FASTKD1: variants seen among roughly 807,000 people sequenced by gnomAD.
The protein encoded by FASTKD1 is FAST kinase domains 1.
Under a neutral mutation model 90.9 loss-of-function variants are expected in FASTKD1, and 94 were observed. That is an observed-to-expected ratio of 1.03 (90% CI 0.88 to 1.23). The LOEUF (loss-of-function observed/expected upper bound fraction) is 1.23. FASTKD1 is among the 50% of genes most tolerant of loss of function. FASTKD1 has a pLI of 0.00. For synonymous variants in FASTKD1, 319 were observed against 345.8 expected (o/e 0.92, Z 0.86); for missense variants, 945 against 993.5 (o/e 0.95, Z 0.66).
chr2:169,568,669 AAGAG>A (rs1345738691), intron 3 of FASTKD1, among the ~76,000 whole-genome samples: 1 of 149,414 alleles, frequency 6.7e-6, no homozygotes, highest in Non-Finnish European at 1.5e-5. Flanking sequence ...GAGACAGAAA[AAGAG>A]AGAAGAAAAA....
chr2:169,546,174 A>G (rs768433918), intron 8 of FASTKD1, 44 bp downstream of exon 8: 9 of 1,497,686 alleles, frequency 6.0e-6, no homozygotes, highest in Non-Finnish European at 8.0e-6. Context: ...TGCTTGCAGA[A>G]GTTGACAACT....
At chr2:169,566,306 C>T (rs1188633882) in intron 3 of FASTKD1, among the ~76,000 whole-genome samples, 1 of 152,102 alleles carries the variant, frequency 6.6e-6, no homozygotes, top group Non-Finnish European at 1.5e-5. Flanking sequence ...CTGAAGTATA[C>T]TGAGAGTGGG....
At chr2:169,545,784 CTAACA>C (rs1685164070) in intron 8 of FASTKD1, among the ~76,000 whole-genome samples, 1 of 152,194 alleles carries the variant, frequency 6.6e-6, no homozygotes, top group Non-Finnish European at 1.5e-5. Context: ...CTCCACTGTC[CTAACA>C]TGAGTATCCT....
At chr2:169,531,595 ACACT>A (rs1203891835) in intron 12 of FASTKD1, 105 bp from the exon 13 acceptor site, 2 of 854,228 alleles carry the variant, frequency 2.3e-6, no homozygotes, top group Non-Finnish European at 3.5e-6. Context: ...GTACACACAC[ACACT>A]CACAAAAGAA....
intron 10 of FASTKD1, among the ~76,000 whole-genome samples, chr2:169,538,706 A>G (rs992824039): frequency 2.0e-5 from 3 of 151,562 alleles, no homozygotes; most frequent in African/African-American, 7.3e-5. Flanking sequence ...AATACTCCCA[A>G]GATTTTTCAT....
chr2:169,536,912 A>T (rs1021864394), intron 12 of FASTKD1: 3 of 216,594 alleles, frequency 1.4e-5, no homozygotes, highest in Non-Finnish European at 9.0e-6. Flanking sequence ...CTGAATGGAG[A>T]GGACAGAATC....
intron 3 of FASTKD1, among the ~76,000 whole-genome samples, chr2:169,568,860 A>C (rs3099554): frequency 0.72 from 108,088 of 151,136 alleles, 38,895 homozygotes; most frequent in East Asian, 0.84. Flanking sequence ...ATTAGCCCTG[A>C]GTCATGGTGG....
At chr2:169,559,261 C>G (rs1683475623) in intron 5 of FASTKD1, among the ~76,000 whole-genome samples, 1 of 151,980 alleles carries the variant, frequency 6.6e-6, no homozygotes, top group African/African-American at 2.4e-5. Context: ...GCATGATCCA[C>G]CGCACCCAGC....
At position 169,529,675 on chromosome 2, in the gene FASTKD1, G is replaced by A. The variant is rs901957067; in HGVS notation, c.*150C>T. The A allele has an allele frequency of 5.0e-6, 3 of 597,208 alleles. No homozygotes were observed. The highest frequency in any genetic ancestry group is 9.0e-6 in the Non-Finnish European group (3 of 333,170). The allele number at this position is 597,208 out of a possible 1,614,324, so 37.0% of individuals were successfully genotyped here. A position where few individuals can be genotyped will look rare whatever the true frequency, so the allele number is the denominator to read the frequency against. ...TCCCACCCCACTCCCCACTTGTTCT[G>A]CTCCAGCCACACTGGATCCTTTGTT... is the stretch of plus-strand genomic sequence containing the variant. On this transcript the variant is annotated 3_prime_UTR_variant, in exon 15 of 15. Transcript: ENST00000453153.
At chr2:169,544,903 TA>T in intron 8 of FASTKD1, 68 bp from the exon 9 acceptor site, 1 of 815,626 alleles carries the variant, frequency 1.2e-6, no homozygotes, top group Non-Finnish European at 2.0e-6. Context: ...TTAACCTAAT[TA>T]TTTTTTAGGA....
Position 169,531,976 on chromosome 2 carries a change from C to T in FASTKD1, c.2189-486G>A, listed in dbSNP as rs1173677251. Among the ~76,000 whole-genome samples, 4 of 152,142 alleles carry T rather than the reference C, an allele frequency of 2.6e-5. No individual in the cohort carries two copies. In the South Asian group the frequency reaches 8.3e-4, roughly 31 times the overall value. On this transcript the variant is annotated intron_variant, in intron 12 of 14. Transcript: ENST00000453153. The stretch of plus-strand genomic sequence containing the variant: ...AGAAGGCATGATAGATGTAGAATAT[C>T]GCTACTTTACCACCCCTCTGAATGA...
chr2:169,568,205 G>T (rs555870575), intron 3 of FASTKD1, among the ~76,000 whole-genome samples: 1 of 152,138 alleles, frequency 6.6e-6, no homozygotes, highest in African/African-American at 2.4e-5. Context: ...TGGAGTAACA[G>T]ACAAGTAGCT....
rs1054907507 is a variant in FASTKD1, at chr2:169,540,238, T to A, written c.1817-59A>T. 5.0e-6 allele frequency: 7 copies of A among 1,403,312 alleles called. No homozygotes were observed. In the African/African-American group the frequency reaches 8.8e-5, roughly 18 times the overall value. 86.9% of individuals were successfully genotyped at this position (1,403,312 alleles called of 1,614,324 possible). A position where few individuals can be genotyped will look rare whatever the true frequency, so the allele number is the denominator to read the frequency against. On this transcript the variant is annotated intron_variant, in intron 9 of 14. Transcript: ENST00000453153. ...GCTGCCTCACTTATATATACACTTA[T>A]AATTTATTCAGGCAAACCCAGGTTT...
chr2:169,534,078 G>A (rs762850628), intron 12 of FASTKD1, among the ~76,000 whole-genome samples: 9 of 150,982 alleles, frequency 6.0e-5, no homozygotes, highest in African/African-American at 1.2e-4. Flanking sequence ...GGCTGAGGTG[G>A]GAGAATCACT....
intron 2 of FASTKD1, 103 bp from the exon 3 acceptor site, chr2:169,569,355 C>G: frequency 9.1e-7 from 1 of 1,096,678 alleles, no homozygotes. Flanking sequence ...AGTTATTTTC[C>G]TCTTATACAG....
intron 7 of FASTKD1, among the ~76,000 whole-genome samples, chr2:169,547,132 T>G (rs1405686304): frequency 6.6e-6 from 1 of 152,214 alleles, no homozygotes; most frequent in East Asian, 1.9e-4. Context: ...CTGGAGTGAT[T>G]CACAGAACTC....
rs1559156708 is a variant in FASTKD1, at chr2:169,561,825, A to ATTAATTTATTGTAAATTAT, written c.573-1059_573-1041dup. ...TTTATTAATTTATTGTAAATTATTTATTAATTTATTGTAAATTATTTATTA... is the reference window on the plus strand; with the variant it reads ...TTTATTAATTTATTGTAAATTATTTATTAATTTATTGTAAATTATTTAATTTATTGTAAATTATTTATTA... On this transcript the variant is annotated intron_variant, in intron 4 of 14. Coordinates refer to ENST00000453153, the MANE Select transcript of FASTKD1 (RefSeq NM_024622.6). Among the ~76,000 whole-genome samples the ATTAATTTATTGTAAATTAT allele has an allele frequency of 4.2e-5, 6 of 144,082 alleles. No homozygotes were observed. The East Asian group carries it at 6.2e-4, about 15-fold the overall frequency. The allele number at this position is 144,082 out of a possible 152,430, so 94.5% of individuals were successfully genotyped here. A position where few individuals can be genotyped will look rare whatever the true frequency, so the allele number is the denominator to read the frequency against.
intron 13 of FASTKD1, chr2:169,530,943 C>T: frequency 1.4e-6 from 1 of 691,206 alleles, no homozygotes; most frequent in East Asian, 2.9e-5. Flanking sequence ...TATATTTACA[C>T]ATGCCTACTA....
chr2:169,546,300 G>GTATGTAATA lies in FASTKD1; in HGVS notation c.1618_1619insTATTACATA (p.Ala540delinsValLeuHisThr). On this transcript the variant is annotated protein_altering_variant, in exon 8 of 15. Coordinates refer to ENST00000453153, the MANE Select transcript of FASTKD1 (RefSeq NM_024622.6). Reference sequence around the variant, plus strand: ...GTAATCAGTACTAGAAATAAAAGATGCAATCTCCCCAACATTTATGTAATT... The same window carrying GTATGTAATA: ...GTAATCAGTACTAGAAATAAAAGATGTATGTAATACAATCTCCCCAACATTTATGTAATT... 6.2e-7 allele frequency: 1 copy of GTATGTAATA among 1,613,666 alleles called. No homozygotes were observed. Among genetic ancestry groups the GTATGTAATA allele is most frequent in the Non-Finnish European group, 8.5e-7 (1 of 1,179,796 alleles).
Sources: allele counts gnomAD v4.1 joint callset (sites outside exome capture counted in the v4.1 genomes callset), GRCh38; gene constraint gnomAD v4.1.1; transcripts MANE v1.5; gene names NCBI Gene and HGNC (gene_info 2026-07-23, HGNC 2026-07-21).